AFAP1: variants seen among roughly 807,000 people sequenced by gnomAD.
AFAP1 encodes actin filament-associated protein 1.
Under a neutral mutation model 93.9 loss-of-function variants are expected in AFAP1, and 75 were observed. That is an observed-to-expected ratio of 0.80 (90% CI 0.66 to 0.97). AFAP1 has a LOEUF of 0.97. Among genes scored for constraint, AFAP1 ranks in the 50% least tolerant of loss-of-function variants. AFAP1 has a pLI of 0.00. For synonymous variants in AFAP1, 517 were observed against 430.7 expected, an observed-to-expected ratio of 1.20 and a Z score of -2.48; for missense variants, 1,201 against 1,050.8, an observed-to-expected ratio of 1.14 and a Z score of -1.98.
At chr4:7,800,986 T>C (rs1560167245) in intron 9 of AFAP1, among the ~76,000 whole-genome samples, 1 of 152,170 alleles carries the variant, frequency 6.6e-6, no homozygotes, top group Non-Finnish European at 1.5e-5. Flanking sequence ...CCATCAGGTT[T>C]CGGATGGCCA....
chr4:7,939,712 G>A lies in AFAP1; in HGVS notation c.-59C>T, dbSNP rs1441066448. ...CGCCGCGGCGCCTGGGCCGACTGGA[G>A]CGCAGCTGAACAGCCGACAGAGCCG... is the stretch of plus-strand genomic sequence containing the variant. On this transcript the variant is annotated 5_prime_UTR_variant, in exon 1 of 18. Transcript: ENST00000420658. The surrounding 1 kb of genome is among the most constrained non-coding windows in gnomAD (Gnocchi z 5.6). 2.4e-5 allele frequency: 10 copies of A among 414,644 alleles called. No individual in the cohort carries two copies. The East Asian group carries it at 3.5e-4, about 15-fold the overall frequency. The allele number at this position is 414,644 out of a possible 1,614,324, so 25.7% of individuals were successfully genotyped here.
intron 14 of AFAP1, chr4:7,778,433 G>A: frequency 2.4e-6 from 1 of 413,104 alleles, no homozygotes. Flanking sequence ...CACAGATCAG[G>A]GACAGGAGCT....
intron 1 of AFAP1, among the ~76,000 whole-genome samples, chr4:7,893,641 C>T (rs1364124166): frequency 6.6e-6 from 1 of 151,624 alleles, no homozygotes; most frequent in African/African-American, 2.4e-5. Context: ...TTTCTGTCCT[C>T]CAGCTTGGAA....
chr4:7,876,204 A>G (rs1234771335), intron 1 of AFAP1, among the ~76,000 whole-genome samples: 3 of 152,212 alleles, frequency 2.0e-5, no homozygotes, highest in South Asian at 2.1e-4. Context: ...CAGTGCGACC[A>G]TGAGGCCGCT....
chr4:7,861,658 G>T (rs150796796), intron 3 of AFAP1, among the ~76,000 whole-genome samples: 22 of 152,332 alleles, frequency 1.4e-4, no homozygotes, highest in African/African-American at 5.1e-4. Flanking sequence ...GCATCCAGAT[G>T]GAAGGCGAGG....
intron 1 of AFAP1, among the ~76,000 whole-genome samples, chr4:7,896,258 TA>T (rs1369902790): frequency 2.0e-5 from 3 of 152,280 alleles, no homozygotes; most frequent in African/African-American, 7.2e-5. Context: ...AGAGGTTTTT[TA>T]CATACACCTT....
intron 1 of AFAP1, among the ~76,000 whole-genome samples, chr4:7,913,109 C>A (rs1254616468): frequency 6.6e-6 from 1 of 152,154 alleles, no homozygotes; most frequent in Non-Finnish European, 1.5e-5. Context: ...TTATATGGGG[C>A]CAGGCACAGT....
intron 8 of AFAP1, among the ~76,000 whole-genome samples, chr4:7,814,362 A>G (rs1720291729): frequency 6.6e-6 from 1 of 152,250 alleles, no homozygotes; most frequent in Non-Finnish European, 1.5e-5. Context: ...AGAACAAAAC[A>G]AAAGTGACAA....
chr4:7,772,602 C>T (rs968009039), intron 16 of AFAP1: 2 of 559,680 alleles, frequency 3.6e-6, no homozygotes, highest in African/African-American at 1.9e-5. Flanking sequence ...ATTTCCACAG[C>T]TTTTAACATT....
intron 1 of AFAP1, among the ~76,000 whole-genome samples, chr4:7,907,292 A>G (rs1254160411): frequency 1.3e-5 from 2 of 152,180 alleles, no homozygotes; most frequent in African/African-American, 4.8e-5. Context: ...TGGGCTCACT[A>G]AAGATGACCT....
chr4:7,838,772 G>C, intron 5 of AFAP1, 69 bp from the exon 6 acceptor site: 1 of 1,557,790 alleles, frequency 6.4e-7, no homozygotes, highest in Middle Eastern at 1.7e-4. Context: ...GGAAGCTCTA[G>C]CATCATGAAA....
chr4:7,819,311 G>A (rs543816552), intron 6 of AFAP1, 140 bp from the exon 7 acceptor site: 60 of 655,884 alleles, frequency 9.1e-5, no homozygotes, highest in South Asian at 2.0e-4. Context: ...GAGTTCCAGC[G>A]TGCCAGGTAC....
In AFAP1 at chr4:7,800,491, G is replaced by A; in HGVS notation, c.1217C>T (p.Pro406Leu). 1 of 1,614,214 alleles carries A rather than the reference G, an allele frequency of 6.2e-7. No homozygotes were observed. Among genetic ancestry groups the A allele is most frequent in the Non-Finnish European group, 8.5e-7 (1 of 1,180,050 alleles). Residue 406 changes from proline to leucine, a missense_variant, in exon 10 of 18, where the codon CCT (proline) becomes CTT (leucine). Transcript: ENST00000420658. ...GTTGCGCAGCAGCCGGAACGTCAGA[G>A]GATGTTTAGAATCCAAACCCGGGAT... ...EVIPGLDSKH[P>L]LTFRLLRNGQ... is the part of the protein sequence containing the mutation.
chr4:7,931,045 T>G (rs1466433836), intron 1 of AFAP1, among the ~76,000 whole-genome samples: 1 of 152,182 alleles, frequency 6.6e-6, no homozygotes, highest in South Asian at 2.1e-4. Flanking sequence ...CTACCGTGCC[T>G]GGCCTCACTA....
At chr4:7,884,715 A>G (rs1577333317) in intron 1 of AFAP1, among the ~76,000 whole-genome samples, 1 of 152,244 alleles carries the variant, frequency 6.6e-6, no homozygotes, top group Non-Finnish European at 1.5e-5. Flanking sequence ...ACAGAAAAAA[A>G]TGAAACAACT....
intron 3 of AFAP1, among the ~76,000 whole-genome samples, chr4:7,858,238 G>A (rs763598207): frequency 5.3e-5 from 8 of 152,184 alleles, no homozygotes; most frequent in Non-Finnish European, 1.0e-4. Flanking sequence ...AGAGGCAGAA[G>A]GTCATTCACC....
chr4:7,893,093 G>GT (rs1718564005), intron 1 of AFAP1, among the ~76,000 whole-genome samples: 2 of 152,136 alleles, frequency 1.3e-5, no homozygotes, highest in Non-Finnish European at 2.9e-5. Flanking sequence ...CCGGTGCCGG[G>GT]GGGGCAGAAA....
At chr4:7,926,328 T>G (rs1240338607) in intron 1 of AFAP1, among the ~76,000 whole-genome samples, 3 of 152,118 alleles carry the variant, frequency 2.0e-5, no homozygotes. Flanking sequence ...AAACAAAACT[T>G]TAATCCGTAA....
chr4:7,790,153 T>G (rs1384232940), intron 11 of AFAP1, among the ~76,000 whole-genome samples: 1 of 152,200 alleles, frequency 6.6e-6, no homozygotes, highest in Non-Finnish European at 1.5e-5. Context: ...TCTTAGAATA[T>G]TCATCACACT....
Sources: allele counts gnomAD v4.1 joint callset (sites outside exome capture counted in the v4.1 genomes callset), GRCh38; gene constraint gnomAD v4.1.1; non-coding constraint Gnocchi (gnomAD v3.1); transcripts MANE v1.5; gene names NCBI Gene and HGNC (gene_info 2026-07-23, HGNC 2026-07-21).